DOCK5: variants seen among roughly 807,000 people sequenced by gnomAD.
DOCK5 encodes the protein dedicator of cytokinesis protein 5.
DOCK5 carries 142 observed loss-of-function variants against 251.8 expected under a neutral mutation model. The observed-to-expected ratio is 0.56, with a 90% CI of 0.49 to 0.65. The LOEUF is 0.65. DOCK5 is among the 30% of genes least tolerant of loss of function. The pLI, the probability that DOCK5 is intolerant of heterozygous loss-of-function variation, is 0.00. For missense variants in DOCK5, 2,111 were observed against 2,312.3 expected (o/e 0.91, Z 1.79); for synonymous variants, 842 against 835.5 (o/e 1.01, Z -0.13).
At chr8:25,275,353 A>G in intron 3 of DOCK5, 33 bp from the exon 4 acceptor site, 1 of 1,564,436 alleles carries the variant, frequency 6.4e-7, no homozygotes, top group African/African-American at 1.4e-5. Flanking sequence ...TTTTGTTTTT[A>G]TGGCCATATA....
chr8:25,295,999 T>C (rs1804606260), intron 6 of DOCK5, among the ~76,000 whole-genome samples: 2 of 152,092 alleles, frequency 1.3e-5, no homozygotes, highest in South Asian at 4.1e-4. Flanking sequence ...TTTGTATTTT[T>C]AGCAGAGACA....
chr8:25,338,463 T>A (rs542586911), intron 22 of DOCK5, among the ~76,000 whole-genome samples: 4 of 152,352 alleles, frequency 2.6e-5, no homozygotes, highest in African/African-American at 9.6e-5. Flanking sequence ...TGCTATTTTT[T>A]ATATTTTTTT....
intron 6 of DOCK5, 148 bp from the exon 7 acceptor site, chr8:25,296,365 A>T: frequency 9.9e-7 from 1 of 1,008,990 alleles, no homozygotes; most frequent in South Asian, 1.9e-5. Context: ...AGAAACTGAA[A>T]TGAGAAAAGT....
intron 5 of DOCK5, among the ~76,000 whole-genome samples, chr8:25,290,713 T>C (rs1167507387): frequency 6.6e-6 from 1 of 152,196 alleles, no homozygotes; most frequent in Non-Finnish European, 1.5e-5. Flanking sequence ...CCAGCTATAT[T>C]CTAGGGACAC....
chr8:25,241,103 T>A (rs569096877), intron 1 of DOCK5, among the ~76,000 whole-genome samples: 1 of 152,254 alleles, frequency 6.6e-6, no homozygotes, highest in South Asian at 2.1e-4. Context: ...CCTCTCAAAA[T>A]CCTTATCATT....
At chr8:25,200,245 T>G (rs1161451062) in intron 1 of DOCK5, among the ~76,000 whole-genome samples, 1 of 152,224 alleles carries the variant, frequency 6.6e-6, no homozygotes, top group African/African-American at 2.4e-5. Context: ...ACCCTTTGAC[T>G]TAGCAACTCC....
chr8:25,336,945 A>C (rs1195136130), intron 22 of DOCK5, among the ~76,000 whole-genome samples: 1 of 152,204 alleles, frequency 6.6e-6, no homozygotes, highest in Non-Finnish European at 1.5e-5. Flanking sequence ...AAACTGTTAA[A>C]ATTTTTTTCT....
intron 26 of DOCK5, among the ~76,000 whole-genome samples, chr8:25,347,466 G>A (rs908682174): frequency 6.6e-6 from 1 of 152,036 alleles, no homozygotes; most frequent in Admixed American, 6.5e-5. Context: ...AGCATGTTGC[G>A]ATTGGAGATT....
At chr8:25,245,455 A>G (rs769880804) in intron 2 of DOCK5, among the ~76,000 whole-genome samples, 1 of 152,078 alleles carries the variant, frequency 6.6e-6, no homozygotes, top group Non-Finnish European at 1.5e-5. Context: ...CCTATTGTGC[A>G]GGTAAAAAGC....
At chr8:25,264,273 T>C (rs1418394172) in intron 2 of DOCK5, among the ~76,000 whole-genome samples, 6 of 151,352 alleles carry the variant, frequency 4.0e-5, no homozygotes, top group Admixed American at 3.3e-4. Flanking sequence ...GGTTGGGTGC[T>C]GAGGTGGGAT....
chr8:25,402,710 C>T (rs529142923), intron 47 of DOCK5, among the ~76,000 whole-genome samples: 2 of 152,310 alleles, frequency 1.3e-5, no homozygotes, highest in South Asian at 4.1e-4. Context: ...TCCCAAAATG[C>T]TGGGATTACA....
At chr8:25,301,092 A>C (rs1804748043) in intron 9 of DOCK5, among the ~76,000 whole-genome samples, 1 of 151,280 alleles carries the variant, frequency 6.6e-6, no homozygotes, top group South Asian at 2.1e-4. Context: ...TGATGCTGGC[A>C]ATTCGGATAT....
intron 18 of DOCK5, among the ~76,000 whole-genome samples, chr8:25,330,741 T>C (rs1805662651): frequency 6.6e-6 from 1 of 151,734 alleles, no homozygotes; most frequent in African/African-American, 2.4e-5. Flanking sequence ...TAACTACTTA[T>C]ATATTTCTAC....
At chr8:25,376,103 GA>G (rs59845416) in intron 37 of DOCK5, 23,230 of 877,800 alleles carry the variant, frequency 0.026, 1 homozygote, top group Middle Eastern at 0.035. Context: ...TGTCTCAAAA[GA>G]AAAAAAAAAA....
intron 3 of DOCK5, among the ~76,000 whole-genome samples, chr8:25,274,688 A>G (rs1444891701): frequency 1.3e-5 from 2 of 152,190 alleles, no homozygotes; most frequent in Admixed American, 6.5e-5. Context: ...ACACCCGTTG[A>G]TTTTGAGTGC....
In DOCK5 at chr8:25,410,939, ATGTGTGTGTGTG is replaced by A. The variant is rs763758410; in HGVS notation, c.5509-232_5509-221del. Among the ~76,000 whole-genome samples, 17 of 102,152 alleles carry A rather than the reference ATGTGTGTGTGTG, an allele frequency of 1.7e-4. 1 individual carries two copies. Among genetic ancestry groups the A allele is most frequent in the African/African-American group, 4.9e-4 (15 of 30,482 alleles). The allele number at this position is 102,152 out of a possible 152,430, so 67.0% of individuals were successfully genotyped here. A position where few individuals can be genotyped will look rare whatever the true frequency, so the allele number is the denominator to read the frequency against. ...TATGGCAGCGAGAGAGAGAGAGAAA[ATGTGTGTGTGTG>A]TGTGTGTGTGTGTGTGTGTGTGCGC... On this transcript the variant is annotated intron_variant, in intron 51 of 51. Transcript: ENST00000276440.
intron 1 of DOCK5, among the ~76,000 whole-genome samples, chr8:25,227,211 C>A (rs1291780392): frequency 3.3e-5 from 5 of 152,156 alleles, no homozygotes; most frequent in African/African-American, 1.2e-4. Context: ...TGGTGAGAAG[C>A]CTGACTGCCG....
chr8:25,223,468 C>T (rs1324503048), intron 1 of DOCK5, among the ~76,000 whole-genome samples: 2 of 152,204 alleles, frequency 1.3e-5, no homozygotes, highest in East Asian at 3.9e-4. Context: ...GCGTGGGCCA[C>T]CACGCTCAGT....
At position 25,390,086 on chromosome 8, in the gene DOCK5, G is replaced by A. The variant is rs1034853626; in HGVS notation, c.4274-120G>A. 7 of 701,824 alleles carry A rather than the reference G, an allele frequency of 1.0e-5. No individual in the cohort carries two copies. The South Asian group carries it at 1.1e-4, about 11-fold the overall frequency. 43.5% of individuals were successfully genotyped at this position (701,824 alleles called of 1,614,324 possible). The stretch of plus-strand genomic sequence containing the variant: ...TTTTCAGTGTGGTCCTGGCATTGGG[G>A]TCAAAGGGAGTGATTGGTGCTGGTG... On this transcript the variant is annotated intron_variant, in intron 41 of 51. Transcript: ENST00000276440.
Sources: allele counts gnomAD v4.1 joint callset (sites outside exome capture counted in the v4.1 genomes callset), GRCh38; gene constraint gnomAD v4.1.1; transcripts MANE v1.5; gene names NCBI Gene and HGNC (gene_info 2026-07-23, HGNC 2026-07-21).